The following HDHD5 variants were observed in gnomAD, a reference collection of about 807,000 sequenced individuals.
HDHD5 encodes the protein haloacid dehalogenase-like hydrolase domain-containing 5.
In HDHD5, 34 loss-of-function variants were observed where a neutral mutation model predicts 35.5. That is an observed-to-expected ratio of 0.96 (90% CI 0.73 to 1.28). The LOEUF (loss-of-function observed/expected upper bound fraction) is 1.28, where lower values mean the gene tolerates loss of function less well. Among genes scored for constraint, HDHD5 ranks in the 50% most tolerant of loss-of-function variants. HDHD5 has a pLI of 0.00. For synonymous variants in HDHD5, 248 were observed against 240.6 expected (o/e 1.03, Z -0.29); for missense variants, 589 against 560.2 (o/e 1.05, Z -0.52).
At chr22:17,160,980 C>T (rs141537853), upstream of HDHD5, among the ~76,000 whole-genome samples, 26 of 151,670 alleles carry the variant, frequency 1.7e-4, no homozygotes, top group African/African-American at 5.8e-4. Flanking sequence ...CATAGCCAGG[C>T]GCGGTGGCTC....
chr22:17,159,189 C>G lies in HDHD5; in HGVS notation c.63G>C (p.Ala21=). The G allele has an allele frequency of 1.7e-6, 2 of 1,211,984 alleles. No individual in the cohort carries two copies. The highest frequency in any genetic ancestry group is 2.1e-6 in the Non-Finnish European group (2 of 974,454). 75.1% of individuals were successfully genotyped at this position (1,211,984 alleles called of 1,614,324 possible). ...GGCCCTGGAGCCCCGCAGCCGCGCG[C>G]GCCGCCCGCCAGCAAAGCCCACGCG... The part of the protein sequence containing the change: ...GAARGLCWRA[A]RAAAGLQGRP... Residue 21 remains alanine (A), a synonymous_variant, in exon 1 of 8, where the codon GCG becomes GCC. Coordinates refer to ENST00000336737, the MANE Select transcript of HDHD5 (RefSeq NM_033070.3).
At position 17,155,257 on chromosome 22, in the gene HDHD5, GTTTT is replaced by G. The variant is rs1027258260; in HGVS notation, c.126+3865_126+3868del. Reference sequence around the variant, plus strand: ...TTTTTTTTTTTTTTTTGTTTGGTTGGTTTTTTTTGAGACGGAGTCTCACTGTCAC... The same window carrying G: ...TTTTTTTTTTTTTTTTGTTTGGTTGGTTTTGAGACGGAGTCTCACTGTCAC... On this transcript the variant is annotated intron_variant, in intron 1 of 7. Coordinates refer to ENST00000336737, the MANE Select transcript of HDHD5 (RefSeq NM_033070.3). 2.7e-3 allele frequency among the ~76,000 whole-genome samples: 400 copies of G among 146,974 alleles called. 3 individuals are homozygous for G. The highest frequency in any genetic ancestry group is 9.7e-3 in the African/African-American group (384 of 39,610).
At chr22:17,158,909 C>T (rs912114168) in intron 1 of HDHD5, 1 of 348,454 alleles carries the variant, frequency 2.9e-6, no homozygotes, top group Non-Finnish European at 4.9e-6. Context: ...GAGCGCTCTC[C>T]CGCGGGAGTA....
At chr22:17,150,251 T>C (rs1305908793) in intron 1 of HDHD5, among the ~76,000 whole-genome samples, 1 of 152,342 alleles carries the variant, frequency 6.6e-6, no homozygotes, top group East Asian at 1.9e-4. Context: ...CATAAATATT[T>C]TTATGGATTA....
At position 17,138,662 on chromosome 22, in the gene HDHD5, C is replaced by T. The variant is rs750893169; in HGVS notation, c.823G>A (p.Gly275Ser). 1.2e-5 allele frequency: 19 copies of T among 1,614,054 alleles called. No individual in the cohort carries two copies. In the East Asian group the frequency reaches 2.0e-4, roughly 17 times the overall value. The change falls in exon 7 of 8, where the codon GGC (glycine) becomes AGC (serine). Residue 275 changes from glycine (G) to serine (S), a missense_variant. Gly to Ser is a moderately conservative substitution (Grantham distance 56, BLOSUM62 0). Transcript: ENST00000336737. ...AGGATGCTGGGTTTGCCCATCAGGC[C>T]CTCGTATCTCAGCTCCTTGCCCGTC... Reference protein sequence around the residue: ...KVTGKELRYEGLMGKPSILTY... With the variant: ...KVTGKELRYESLMGKPSILTY...
At chr22:17,158,965 C>T in intron 1 of HDHD5, 161 bp downstream of exon 1, 1 of 611,582 alleles carries the variant, frequency 1.6e-6, no homozygotes, top group Non-Finnish European at 2.3e-6. Context: ...AGGGCGCATC[C>T]GCCCTCCAGC....
At chr22:17,164,382 A>C (rs1351857148) in intron 1 of HDHD5, among the ~76,000 whole-genome samples, 1 of 152,268 alleles carries the variant, frequency 6.6e-6, no homozygotes, top group African/African-American at 2.4e-5. Context: ...TGTAAGACAC[A>C]GAAACCTCCA....
intron 1 of HDHD5, among the ~76,000 whole-genome samples, chr22:17,151,980 T>C (rs1038777411): frequency 6.6e-6 from 1 of 152,212 alleles, no homozygotes; most frequent in Non-Finnish European, 1.5e-5. Context: ...AAATACATCC[T>C]GTAACAAAAC....
rs1601407117 is a variant in HDHD5 at position 17,159,240 on chromosome 22, C to G, written c.12G>C (p.Trp4Cys). 1 of 1,286,684 alleles carries G rather than the reference C, an allele frequency of 7.8e-7. No homozygotes were observed. Among genetic ancestry groups the G allele is most frequent in the Admixed American group, 4.4e-5 (1 of 22,572 alleles). 79.7% of individuals were successfully genotyped at this position (1,286,684 alleles called of 1,614,324 possible). ...CCGCGCCGAGCGCAGCCACACAGCC[C>G]CACGCAGCCATCCGGCCGTCGCCGT... MAA[W>C]GCVAALGAAR... The change falls in exon 1 of 8, where the codon TGG becomes TGC. Residue 4 changes from tryptophan to cysteine, a missense_variant. Physicochemically the swap from Trp to Cys is radical, Grantham distance 215. Coordinates refer to ENST00000336737, the MANE Select transcript of HDHD5 (RefSeq NM_033070.3).
chr22:17,141,225 G>A lies in HDHD5; in HGVS notation c.580C>T (p.Leu194Phe). Reference sequence around the variant, plus strand: ...TCCCAGCGGACCGGCTCCCCTAGGAGGAGCACCCCTTTAAAGAACAGAGGC... The same window carrying A: ...TCCCAGCGGACCGGCTCCCCTAGGAAGAGCACCCCTTTAAAGAACAGAGGC... ...NDFPRIEGVLLLGEPVRWETS... is the reference protein window; with the variant it reads ...NDFPRIEGVLFLGEPVRWETS... The change falls in exon 6 of 8, where the codon CTC becomes TTC. Residue 194 changes from leucine to phenylalanine, a missense_variant. Physicochemically the swap from Leu to Phe is conservative, Grantham distance 22. Coordinates refer to ENST00000336737, the MANE Select transcript of HDHD5 (RefSeq NM_033070.3). 1.3e-6 allele frequency: 2 copies of A among 1,591,754 alleles called. No homozygotes were observed. Among genetic ancestry groups the A allele is most frequent in the Non-Finnish European group, 1.7e-6 (2 of 1,170,632 alleles).
chr22:17,147,821 G>A (rs138281617), intron 3 of HDHD5, among the ~76,000 whole-genome samples: 7 of 152,094 alleles, frequency 4.6e-5, no homozygotes, highest in South Asian at 4.1e-4. Context: ...TCGATCACAC[G>A]CCATCGCACA....
At chr22:17,148,869 T>C (rs1050472026) in intron 2 of HDHD5, among the ~76,000 whole-genome samples, 1 of 152,198 alleles carries the variant, frequency 6.6e-6, no homozygotes, top group African/African-American at 2.4e-5. Context: ...TTGGAAGCCA[T>C]AGGGTTCATG....
chr22:17,152,792 CAG>C (rs2061742909), intron 1 of HDHD5, among the ~76,000 whole-genome samples: 2 of 152,120 alleles, frequency 1.3e-5, no homozygotes, highest in South Asian at 4.1e-4. Flanking sequence ...TCCAGTAAAA[CAG>C]GGACTGGAGT....
intron 3 of HDHD5, 138 bp downstream of exon 3, chr22:17,148,310 C>G (rs1209332061): frequency 1.4e-6 from 1 of 725,808 alleles, no homozygotes; most frequent in Non-Finnish European, 2.4e-6. Context: ...CGGGAGCTGT[C>G]CTCCCTCCCC....
At position 17,137,965 on chromosome 22, in the gene HDHD5, C is replaced by A; in HGVS notation, c.*56G>T. 1.4e-6 allele frequency: 2 copies of A among 1,464,130 alleles called. No homozygotes were observed. 90.7% of individuals were successfully genotyped at this position (1,464,130 alleles called of 1,614,324 possible). On this transcript the variant is annotated 3_prime_UTR_variant, in exon 8 of 8. Transcript: ENST00000336737. ...GCCCAGTGATCAGGCCAGAGCCCAG[C>A]CAATGGGACTCGCCCACAGGTCCAG...
chr22:17,159,164 G>T lies in HDHD5; in HGVS notation c.88C>A (p.Arg30Ser), dbSNP rs773471009. ...ACAGCATAGCACCTGCGGGCGGGGC[G>T]GCCCTGGAGCCCCGCAGCCGCGCGC... ...AARAAAGLQG[R>S]PARRCYAVGP... Residue 30 changes from arginine (R) to serine (S), a missense_variant, in exon 1 of 8, where the codon CGC (arginine) becomes AGC (serine). Arg to Ser is a moderately radical substitution (Grantham distance 110). Coordinates refer to ENST00000336737, the MANE Select transcript of HDHD5 (RefSeq NM_033070.3). 2 of 1,221,150 alleles carry T rather than the reference G, an allele frequency of 1.6e-6. No homozygotes were observed. The highest frequency in any genetic ancestry group is 1.0e-6 in the Non-Finnish European group (1 of 980,266). 75.6% of individuals were successfully genotyped at this position (1,221,150 alleles called of 1,614,324 possible). A position where few individuals can be genotyped will look rare whatever the true frequency, so the allele number is the denominator to read the frequency against.
intron 1 of HDHD5, among the ~76,000 whole-genome samples, chr22:17,158,246 G>C (rs1296776615): frequency 9.9e-5 from 15 of 152,076 alleles, no homozygotes; most frequent in Non-Finnish European, 2.1e-4. Context: ...GCTTGAACCC[G>C]GGAGGCGGAG....
chr22:17,150,541 C>T (rs2061714683), intron 1 of HDHD5, among the ~76,000 whole-genome samples: 1 of 135,032 alleles, frequency 7.4e-6, no homozygotes, highest in South Asian at 2.2e-4. Context: ...TTTTTTGAGA[C>T]AGAGTCTTGC....
intron 4 of HDHD5, 27 bp downstream of exon 4, chr22:17,144,997 C>T: frequency 1.9e-6 from 3 of 1,612,976 alleles, no homozygotes; most frequent in South Asian, 2.2e-5. Flanking sequence ...AGGATGAAGA[C>T]ACAGCCCAAC....
Sources: gnomAD v4.1 joint callset for allele counts (sites outside exome capture counted in the v4.1 genomes callset) on GRCh38, gnomAD v4.1.1 for gene constraint, MANE v1.5 for transcripts, NCBI Gene and HGNC (gene_info 2026-07-23, HGNC 2026-07-21) for gene names.